TAFA4: variants seen among roughly 807,000 people sequenced by gnomAD.
TAFA4 encodes the protein TAFA chemokine like family member 4, also known as chemokine-like protein TAFA-4.
TAFA4 carries 20 observed loss-of-function variants against 21.1 expected under a neutral mutation model. That is an observed-to-expected ratio of 0.95 (90% CI 0.67 to 1.38). The LOEUF (loss-of-function observed/expected upper bound fraction) is 1.38, where lower values mean the gene tolerates loss of function less well. TAFA4 is among the 40% of genes most tolerant of loss of function. The probability of loss-of-function intolerance (pLI) is 0.00; values close to 1 mark genes in which losing one functional copy is unlikely to be tolerated. For synonymous variants in TAFA4, 71 were observed against 67.4 expected, an observed-to-expected ratio of 1.05 and a Z score of -0.26; for missense variants, 211 against 180.9, an observed-to-expected ratio of 1.17 and a Z score of -0.95.
chr3:68,800,415 G>A (rs1331321857), intron 3 of TAFA4, among the ~76,000 whole-genome samples: 1 of 152,160 alleles, frequency 6.6e-6, no homozygotes, highest in African/African-American at 2.4e-5. Flanking sequence ...TGCTGACCCT[G>A]AACCCCAGTG....
chr3:68,911,869 C>A (rs2089964413), intron 1 of TAFA4, among the ~76,000 whole-genome samples: 1 of 152,108 alleles, frequency 6.6e-6, no homozygotes, highest in African/African-American at 2.4e-5. Context: ...CGTTTCCGAC[C>A]CACACGGAGG....
chr3:68,785,235 G>T (rs1703229461), intron 3 of TAFA4, among the ~76,000 whole-genome samples: 1 of 152,254 alleles, frequency 6.6e-6, no homozygotes, highest in East Asian at 1.9e-4. Flanking sequence ...CCAGTCAGGA[G>T]CCCAGCTGGC....
chr3:68,823,917 G>C (rs1434781993), intron 3 of TAFA4, among the ~76,000 whole-genome samples: 1 of 152,064 alleles, frequency 6.6e-6, no homozygotes, highest in Non-Finnish European at 1.5e-5. Context: ...TTTAATATCT[G>C]ATCATTTTAT....
intron 3 of TAFA4, among the ~76,000 whole-genome samples, chr3:68,812,415 G>A (rs981423859): frequency 5.3e-5 from 8 of 152,186 alleles, no homozygotes; most frequent in South Asian, 2.1e-4. Context: ...TCAGTGTGCT[G>A]TATTCAGGAA....
chr3:68,905,584 A>C (rs987574965), intron 1 of TAFA4, among the ~76,000 whole-genome samples: 6 of 152,220 alleles, frequency 3.9e-5, no homozygotes, highest in African/African-American at 1.4e-4. Flanking sequence ...AAGATAATTT[A>C]GCAAGGGGAG....
At chr3:68,839,277 G>A (rs1178687265) in intron 3 of TAFA4, among the ~76,000 whole-genome samples, 4 of 152,066 alleles carry the variant, frequency 2.6e-5, no homozygotes, top group African/African-American at 9.7e-5. Flanking sequence ...AGCCAAAGAA[G>A]GTGACATTTA....
At chr3:68,884,872 C>A (rs1261067188) in intron 2 of TAFA4, among the ~76,000 whole-genome samples, 1 of 152,208 alleles carries the variant, frequency 6.6e-6, no homozygotes, top group Non-Finnish European at 1.5e-5. Context: ...GCTCAACAAC[C>A]ATTCCCCCAG....
In TAFA4 at chr3:68,918,796, C is replaced by T. The variant is rs952831444; in HGVS notation, c.-123+13444G>A. 3.3e-5 allele frequency among the ~76,000 whole-genome samples: 5 copies of T among 152,206 alleles called. No homozygotes were observed. The East Asian group carries it at 9.6e-4, about 29-fold the overall frequency. ...GCTCAAGAAATCTGCCCACTTTGGC[C>T]TCCCAAAGTGCTGGGATCACAGGTG... is the stretch of plus-strand genomic sequence containing the variant. On this transcript the variant is annotated intron_variant, in intron 1 of 5. Transcript: ENST00000295569.
At chr3:68,788,704 T>C (rs1363435229) in intron 3 of TAFA4, among the ~76,000 whole-genome samples, 1 of 152,172 alleles carries the variant, frequency 6.6e-6, no homozygotes, top group Non-Finnish European at 1.5e-5. Context: ...CTCCAACTCC[T>C]GGGCTCAAGC....
intron 4 of TAFA4, among the ~76,000 whole-genome samples, chr3:68,747,345 G>C (rs1038875234): frequency 6.6e-6 from 1 of 152,020 alleles, no homozygotes; most frequent in African/African-American, 2.4e-5. Flanking sequence ...CATGTTTCAT[G>C]GGAGGACCTG....
At chr3:68,926,970 C>T (rs1435369174) in intron 1 of TAFA4, among the ~76,000 whole-genome samples, 2 of 152,050 alleles carry the variant, frequency 1.3e-5, no homozygotes, top group Non-Finnish European at 2.9e-5. Flanking sequence ...CTGTGCACAA[C>T]AGGATGTTTA....
At position 68,918,438 on chromosome 3, in the gene TAFA4, T is replaced by TA. The variant is rs557675703; in HGVS notation, c.-123+13801dup. 3.0e-3 allele frequency among the ~76,000 whole-genome samples: 452 copies of TA among 152,360 alleles called. 4 individuals are homozygous for TA. Among genetic ancestry groups the TA allele is most frequent in the Non-Finnish European group, 2.6e-3 (176 of 68,034 alleles). On this transcript the variant is annotated intron_variant, in intron 1 of 5. Transcript: ENST00000295569. ...CTGTCATCCTCACTCAATCTACTTC[T>TA]AAAAATGTCTTTCAAGAAACGAAAA...
At chr3:68,852,608 A>G (rs978019763) in intron 3 of TAFA4, among the ~76,000 whole-genome samples, 8 of 152,172 alleles carry the variant, frequency 5.3e-5, no homozygotes, top group Non-Finnish European at 8.8e-5. Flanking sequence ...GTAATTTACC[A>G]GGCCTCCCAA....
chr3:68,773,896 G>A (rs144745820), intron 3 of TAFA4, among the ~76,000 whole-genome samples: 21 of 152,264 alleles, frequency 1.4e-4, no homozygotes, highest in Admixed American at 4.6e-4. Flanking sequence ...TATAGCAAGC[G>A]TGAGACTTAC....
At chr3:68,912,169 G>C (rs1040817094) in intron 1 of TAFA4, among the ~76,000 whole-genome samples, 10 of 152,180 alleles carry the variant, frequency 6.6e-5, no homozygotes, top group Admixed American at 6.5e-4. Context: ...TCCTAAAGGG[G>C]AATATGAGCC....
intron 1 of TAFA4, among the ~76,000 whole-genome samples, chr3:68,920,640 T>A (rs13060495): frequency 0.23 from 17,564 of 75,132 alleles, 1,314 homozygotes; most frequent in Middle Eastern, 0.34. Context: ...TTTTCTCTAA[T>A]TTTTTTTTTT....
intron 3 of TAFA4, among the ~76,000 whole-genome samples, chr3:68,771,429 T>C (rs1032981228): frequency 1.3e-5 from 2 of 152,202 alleles, no homozygotes; most frequent in Non-Finnish European, 2.9e-5. Context: ...GGCCTCTGTA[T>C]CTGCCCATCT....
chr3:68,918,782 C>A (rs1467712968), intron 1 of TAFA4, among the ~76,000 whole-genome samples: 1 of 152,224 alleles, frequency 6.6e-6, no homozygotes, highest in South Asian at 2.1e-4. Flanking sequence ...CTCAAGAAAT[C>A]TGCCCACTTT....
intron 3 of TAFA4, among the ~76,000 whole-genome samples, chr3:68,816,033 G>A (rs920698376): frequency 6.6e-6 from 1 of 152,138 alleles, no homozygotes; most frequent in Admixed American, 6.6e-5. Context: ...TATGTAGCTG[G>A]AAACCATCAT....
Sources: allele counts gnomAD v4.1 joint callset (sites outside exome capture counted in the v4.1 genomes callset), GRCh38; gene constraint gnomAD v4.1.1; transcripts MANE v1.5; gene names NCBI Gene and HGNC (gene_info 2026-07-23, HGNC 2026-07-21).